The following DYSF variants were observed in gnomAD, a reference collection of about 807,000 sequenced individuals.
The protein encoded by DYSF is dystrophy-associated fer-1-like 1.
A neutral mutation model predicts 274.9 loss-of-function variants in DYSF; 212 were observed. The observed-to-expected ratio is 0.77, with a 90% confidence interval of 0.69 to 0.86. DYSF has a LOEUF of 0.86. Ranked by LOEUF, DYSF falls within the 40% of genes least tolerant of loss-of-function variation. The pLI, the probability that DYSF is intolerant of heterozygous loss-of-function variation, is 0.00. For missense variants in DYSF, 2,666 were observed against 2,783.2 expected, an observed-to-expected ratio of 0.96 and a Z score of 0.95; for synonymous variants, 1,091 against 1,078.7, an observed-to-expected ratio of 1.01 and a Z score of -0.22.
At chr2:71,594,415 C>T (rs2093351673) in intron 32 of DYSF, among the ~76,000 whole-genome samples, 2 of 152,176 alleles carry the variant, frequency 1.3e-5, no homozygotes, top group African/African-American at 4.8e-5. Context: ...TCGGGATTTA[C>T]AATGCACAGT....
At chr2:71,561,615 T>C in intron 22 of DYSF, 137 bp from the exon 23 acceptor site, 1 of 920,220 alleles carries the variant, frequency 1.1e-6, no homozygotes, top group Non-Finnish European at 1.7e-6. Context: ...GCTGTGTGTG[T>C]GGAGCGGGCT....
chr2:71,627,655 C>A (rs1176722678), intron 41 of DYSF, among the ~76,000 whole-genome samples: 1 of 152,082 alleles, frequency 6.6e-6, no homozygotes, highest in African/African-American at 2.4e-5. Flanking sequence ...TTATCAATTT[C>A]TGAGCGAGAC....
chr2:71,658,867 C>A lies in DYSF; in HGVS notation c.4756-11C>A, dbSNP rs758494450. 6.2e-7 allele frequency: 1 copy of A among 1,614,182 alleles called. No homozygotes were observed. On this transcript the variant is annotated splice_polypyrimidine_tract_variant and intron_variant, in intron 43 of 55. Transcript: ENST00000410020. ...TGATAAAAATGAAAATTAACCCTTC[C>A]TTCTTTTCAGGGCCTCTTCAAAATT... is the stretch of plus-strand genomic sequence containing the variant.
chr2:71,567,976 C>T lies in DYSF; in HGVS notation c.2591C>T (p.Ala864Val). The T allele has an allele frequency of 6.2e-7, 1 of 1,614,112 alleles. No individual in the cohort carries two copies. Among genetic ancestry groups the T allele is most frequent in the Non-Finnish European group, 8.5e-7 (1 of 1,180,030 alleles). The change falls in exon 25 of 56, where the codon GCC (alanine) becomes GTC (valine). Residue 864 changes from alanine (A) to valine (V), a missense_variant. Physicochemically the swap from Ala to Val is moderately conservative, Grantham distance 64. Coordinates refer to ENST00000410020, the MANE Select transcript of DYSF (RefSeq NM_001130987.2). Reference protein sequence around the residue: ...LKYPMEKVPGARMPVQIRVKL... With the variant: ...LKYPMEKVPGVRMPVQIRVKL... ...TATCCGATGGAGAAGGTGCCTGGCG[C>T]CCGGATGCCAGTGCAGATACGGGTC...
chr2:71,476,139 A>G (rs1236291527), intron 1 of DYSF, among the ~76,000 whole-genome samples: 1 of 152,188 alleles, frequency 6.6e-6, no homozygotes, highest in African/African-American at 2.4e-5. Context: ...GCAGGTCAGA[A>G]GGTCAAAACT....
rs916583386 is a variant in DYSF, at chr2:71,686,470, A to G, written c.6338A>G (p.Lys2113Arg). ...TCCCTCCAGAACTATGCTGCCATGAAGCTGGTGAAGCCCTTCAGCTGAGGA... is the reference window on the plus strand; with the variant it reads ...TCCCTCCAGAACTATGCTGCCATGAGGCTGGTGAAGCCCTTCAGCTGAGGA... ...IYAFPNYAAM[K>R]LVKPFS The change falls in exon 56 of 56, where the codon AAG becomes AGG. Residue 2113 changes from lysine to arginine, a missense_variant. Transcript: ENST00000410020. 1.2e-6 allele frequency: 2 copies of G among 1,614,112 alleles called. No individual in the cohort carries two copies. The highest frequency in any genetic ancestry group is 1.7e-6 in the Non-Finnish European group (2 of 1,180,004).
At chr2:71,519,342 A>C (rs895546298) in intron 10 of DYSF, among the ~76,000 whole-genome samples, 1 of 152,158 alleles carries the variant, frequency 6.6e-6, no homozygotes, top group African/African-American at 2.4e-5. Context: ...CCCAAGGGTT[A>C]AGTCAAAAAA....
intron 32 of DYSF, among the ~76,000 whole-genome samples, chr2:71,594,339 AG>A (rs1312688567): frequency 6.6e-6 from 1 of 152,116 alleles, no homozygotes; most frequent in Non-Finnish European, 1.5e-5. Flanking sequence ...AGTGCATTGG[AG>A]GCTTGTGAAA....
intron 33 of DYSF, 108 bp from the exon 34 acceptor site, chr2:71,600,594 A>G (rs1465415311): frequency 6.6e-7 from 1 of 1,507,800 alleles, no homozygotes; most frequent in African/African-American, 1.4e-5. Flanking sequence ...TGCCCTTACT[A>G]CTGAGGCCCT....
intron 36 of DYSF, among the ~76,000 whole-genome samples, chr2:71,605,932 C>T (rs1245045140): frequency 1.3e-5 from 2 of 152,170 alleles, no homozygotes; most frequent in African/African-American, 2.4e-5. Context: ...GGAGCCCTCC[C>T]AGCCTGCCTG....
intron 13 of DYSF, among the ~76,000 whole-genome samples, chr2:71,526,887 C>A (rs1028233191): frequency 6.6e-6 from 1 of 152,272 alleles, no homozygotes; most frequent in Non-Finnish European, 1.5e-5. Context: ...TCCAGGAAAC[C>A]CTGCAGTCTC....
chr2:71,641,809 T>A (rs565099447), intron 41 of DYSF, among the ~76,000 whole-genome samples: 1 of 152,190 alleles, frequency 6.6e-6, no homozygotes, highest in Admixed American at 6.5e-5. Context: ...TAGTATTTTA[T>A]TTAAAATTTC....
intron 30 of DYSF, among the ~76,000 whole-genome samples, chr2:71,587,346 C>T (rs993636257): frequency 3.3e-5 from 5 of 152,220 alleles, no homozygotes; most frequent in African/African-American, 1.2e-4. Context: ...ATGTACAAAC[C>T]ACCACTGCCT....
At chr2:71,643,231 G>C (rs138725959) in intron 41 of DYSF, among the ~76,000 whole-genome samples, 197 of 152,300 alleles carry the variant, frequency 1.3e-3, no homozygotes, top group African/African-American at 4.4e-3. Context: ...AAATGGTGGG[G>C]AGGTCAGGAT....
At chr2:71,521,567 CTGAAGGTCAGGGGTGAGG>C (rs1209350199) in intron 12 of DYSF, among the ~76,000 whole-genome samples, 17 of 152,042 alleles carry the variant, frequency 1.1e-4, no homozygotes, top group Non-Finnish European at 2.2e-4. Flanking sequence ...GCCAGGAGTG[CTGAAGGTCAGGGGTGAGG>C]TGAAGGTCAG....
At chr2:71,543,581 T>TGAGTGAACGA (rs2090160682) in intron 17 of DYSF, among the ~76,000 whole-genome samples, 1 of 152,146 alleles carries the variant, frequency 6.6e-6, no homozygotes. Context: ...CATTGAGCAC[T>TGAGTGAACGA]GAGTGAACGA....
chr2:71,477,141 C>T (rs556528360), intron 1 of DYSF, among the ~76,000 whole-genome samples: 2 of 152,134 alleles, frequency 1.3e-5, no homozygotes, highest in South Asian at 4.1e-4. Context: ...AGGTTTTGAT[C>T]AATAGGAATT....
chr2:71,639,957 A>G (rs1017809783), intron 41 of DYSF, among the ~76,000 whole-genome samples: 10 of 152,238 alleles, frequency 6.6e-5, no homozygotes, highest in African/African-American at 2.4e-4. Flanking sequence ...ATGTGTAGGC[A>G]CAGTTCTGAG....
At chr2:71,500,049 T>C (rs893444628) in intron 3 of DYSF, among the ~76,000 whole-genome samples, 2 of 152,280 alleles carry the variant, frequency 1.3e-5, no homozygotes, top group African/African-American at 4.8e-5. Context: ...AGAGGGCACC[T>C]GGCCCTGGAG....
Sources: gnomAD v4.1 joint callset for allele counts (sites outside exome capture counted in the v4.1 genomes callset) on GRCh38, gnomAD v4.1.1 for gene constraint, MANE v1.5 for transcripts, NCBI Gene and HGNC (gene_info 2026-07-23, HGNC 2026-07-21) for gene names.